The following PLEKHH2 variants were observed in gnomAD, a reference collection of about 807,000 sequenced individuals.
PLEKHH2 encodes the protein pleckstrin homology, MyTH4 and FERM domain containing H2.
In PLEKHH2, 129 loss-of-function variants were observed where a neutral mutation model predicts 187.9. That is an observed-to-expected ratio of 0.69 (90% CI 0.59 to 0.79). The LOEUF is 0.79. Ranked by LOEUF, PLEKHH2 falls within the 30% of genes least tolerant of loss-of-function variation. The pLI is 0.00. For synonymous variants in PLEKHH2, 686 were observed against 605.6 expected (o/e 1.13, Z -1.95); for missense variants, 2,076 against 1,751.2 (o/e 1.19, Z -3.31).
At chr2:43,680,804 C>T in intron 3 of PLEKHH2, 1 of 390,066 alleles carries the variant, frequency 2.6e-6, no homozygotes, top group Admixed American at 3.6e-5. Context: ...CTTGACACTA[C>T]CAATTATATC....
At chr2:43,687,134 ATGTCTCCGTCTCTTGCTCCC>A (rs1235823003) in intron 3 of PLEKHH2, among the ~76,000 whole-genome samples, 1 of 152,080 alleles carries the variant, frequency 6.6e-6, no homozygotes, top group African/African-American at 2.4e-5. Flanking sequence ...TTTTCAGCCC[ATGTCTCCGTCTCTTGCTCCC>A]TGTCTCATAG....
intron 2 of PLEKHH2, among the ~76,000 whole-genome samples, chr2:43,676,742 A>G (rs111603702): frequency 3.9e-5 from 6 of 152,142 alleles, no homozygotes; most frequent in African/African-American, 1.4e-4. Flanking sequence ...AAGGCTTTTA[A>G]AATTCTCCTT....
chr2:43,700,692 G>T (rs113885926), intron 8 of PLEKHH2, 84 bp downstream of exon 8: 8 of 1,480,676 alleles, frequency 5.4e-6, no homozygotes, highest in Non-Finnish European at 7.2e-6. Context: ...TCGCTCTGTC[G>T]CCCAAGCTGG....
At chr2:43,673,866 G>A (rs1667601718) in intron 2 of PLEKHH2, among the ~76,000 whole-genome samples, 1 of 152,208 alleles carries the variant, frequency 6.6e-6, no homozygotes, top group Non-Finnish European at 1.5e-5. Flanking sequence ...ATATTTCAAG[G>A]ATTACCTCCT....
intron 2 of PLEKHH2, among the ~76,000 whole-genome samples, chr2:43,666,111 C>G (rs1380908673): frequency 4.0e-5 from 6 of 149,844 alleles, no homozygotes; most frequent in Admixed American, 3.9e-4. Flanking sequence ...GACTGCTGTG[C>G]TAGCAATCAG....
chr2:43,758,378 G>T (rs74738497), intron 26 of PLEKHH2, among the ~76,000 whole-genome samples: 1 of 151,792 alleles, frequency 6.6e-6, no homozygotes, highest in African/African-American at 2.4e-5. Flanking sequence ...TCAGCCTCCC[G>T]AGTAGCTGGG....
Position 43,700,008 on chromosome 2 carries a change from G to C in PLEKHH2, c.1050G>C (p.Lys350Asn), listed in dbSNP as rs368382084. ...TFGIKRPEHK[K>N]LYSWQQEAQW... ...GCATAAAGAGACCAGAACACAAGAA[G>C]CTATATTCTTGGCAGCAGGAGGCAC... Residue 350 changes from lysine to asparagine, a missense_variant, in exon 8 of 30, where the codon AAG becomes AAC. Transcript: ENST00000282406. 4.3e-6 allele frequency: 7 copies of C among 1,614,048 alleles called. No individual in the cohort carries two copies. The highest frequency in any genetic ancestry group is 5.9e-6 in the Non-Finnish European group (7 of 1,180,036).
intron 24 of PLEKHH2, among the ~76,000 whole-genome samples, chr2:43,747,113 T>C (rs1374696030): frequency 1.9e-4 from 27 of 143,948 alleles, no homozygotes; most frequent in African/African-American, 6.9e-4. Context: ...TCTCTCCCTC[T>C]CTCTCTCTCT....
chr2:43,734,829 C>T (rs948450825), intron 19 of PLEKHH2, among the ~76,000 whole-genome samples: 2 of 151,934 alleles, frequency 1.3e-5, no homozygotes, highest in African/African-American at 2.4e-5. Context: ...TCACAAGAAC[C>T]GATATATGGA....
chr2:43,749,176 A>G (rs1186880358), intron 24 of PLEKHH2, among the ~76,000 whole-genome samples: 1 of 152,248 alleles, frequency 6.6e-6, no homozygotes, highest in Non-Finnish European at 1.5e-5. Flanking sequence ...AAGACAGGTA[A>G]AAATAATGCT....
intron 15 of PLEKHH2, among the ~76,000 whole-genome samples, chr2:43,714,373 C>T (rs1689013816): frequency 6.6e-6 from 1 of 152,168 alleles, no homozygotes; most frequent in African/African-American, 2.4e-5. Context: ...AGCCAGGATG[C>T]TTATTAAGTT....
At chr2:43,698,622 T>C (rs1031584783) in intron 7 of PLEKHH2, among the ~76,000 whole-genome samples, 7 of 152,258 alleles carry the variant, frequency 4.6e-5, no homozygotes, top group African/African-American at 1.7e-4. Context: ...GGAGTACAGC[T>C]GAGATTGCTT....
At chr2:43,683,228 C>T (rs1018387509) in intron 3 of PLEKHH2, among the ~76,000 whole-genome samples, 3 of 147,254 alleles carry the variant, frequency 2.0e-5, no homozygotes, top group African/African-American at 5.0e-5. Flanking sequence ...TCACCACAAC[C>T]TCCGCCTCCC....
rs139398171 is a variant in PLEKHH2 at position 43,706,130 on chromosome 2, T to G, written c.1727-192T>G. ...GGAACTAGCACACATGAGGAAATAA[T>G]GAACCATGTAAAAAAGTGTATAAAT... On this transcript the variant is annotated intron_variant, in intron 9 of 29. Transcript: ENST00000282406. Among the ~76,000 whole-genome samples the G allele has an allele frequency of 1.0e-3, 155 of 152,312 alleles. 1 individual carries two copies. The highest frequency in any genetic ancestry group is 1.8e-3 in the Non-Finnish European group (122 of 68,030).
intron 22 of PLEKHH2, among the ~76,000 whole-genome samples, chr2:43,743,145 A>T (rs572654377): frequency 6.6e-6 from 1 of 152,256 alleles, no homozygotes; most frequent in African/African-American, 2.4e-5. Flanking sequence ...CTTCACTGCC[A>T]TTATGATTCT....
rs1672578332 is a variant in PLEKHH2 at position 43,765,314 on chromosome 2, C to T, written c.4297-99C>T. ...GAGAAGGGAATTCTGGTAGCCTGGG[C>T]ACTTGCAAATGGAGCTCACCTGTGG... On this transcript the variant is annotated intron_variant, in intron 29 of 29. Coordinates refer to ENST00000282406, the MANE Select transcript of PLEKHH2 (RefSeq NM_172069.4). 15 of 1,101,924 alleles carry T rather than the reference C, an allele frequency of 1.4e-5. No homozygotes were observed. In the Admixed American group the frequency reaches 2.5e-4, roughly 18 times the overall value. 68.3% of individuals were successfully genotyped at this position (1,101,924 alleles called of 1,614,324 possible).
Position 43,710,217 on chromosome 2 carries a change from T to A in PLEKHH2, c.2104-3T>A, listed in dbSNP as rs748257777. 1 of 1,613,350 alleles carries A rather than the reference T, an allele frequency of 6.2e-7. No individual in the cohort carries two copies. The highest frequency in any genetic ancestry group is 8.5e-7 in the Non-Finnish European group (1 of 1,179,534). ...ATGCTTTTGTCTATCTTTTAAAAAT[T>A]AGGAACCACTGGAAAAATCTGGTTA... On this transcript the variant is annotated splice_polypyrimidine_tract_variant and splice_region_variant and intron_variant, in intron 12 of 29. Transcript: ENST00000282406.
intron 25 of PLEKHH2, among the ~76,000 whole-genome samples, chr2:43,754,375 G>A (rs1436052649): frequency 6.6e-6 from 1 of 150,842 alleles, no homozygotes; most frequent in Non-Finnish European, 1.5e-5. Flanking sequence ...CAGAGTGCCA[G>A]CTAATGTCAG....
intron 3 of PLEKHH2, among the ~76,000 whole-genome samples, chr2:43,690,771 A>G (rs1168002019): frequency 6.6e-6 from 1 of 152,220 alleles, no homozygotes; most frequent in East Asian, 1.9e-4. Flanking sequence ...CCTTCTTACT[A>G]CAATTAACAT....
Sources: allele counts gnomAD v4.1 joint callset (sites outside exome capture counted in the v4.1 genomes callset), GRCh38; gene constraint gnomAD v4.1.1; transcripts MANE v1.5; gene names NCBI Gene and HGNC (gene_info 2026-07-23, HGNC 2026-07-21).